Variants in COL23A1 observed in about 807,000 individuals in gnomAD.
COL23A1 encodes the protein collagen alpha-1(XXIII) chain.
Under a neutral mutation model 99.3 loss-of-function variants are expected in COL23A1, and 97 were observed. The observed-to-expected ratio is 0.98, with a 90% CI of 0.83 to 1.16. COL23A1 has a LOEUF of 1.16. Among genes scored for constraint, COL23A1 ranks in the 50% most tolerant of loss-of-function variants. The pLI is 0.00. For synonymous variants in COL23A1, 320 were observed against 308.2 expected (o/e 1.04, Z -0.40); for missense variants, 762 against 757.4 (o/e 1.01, Z -0.07).
In COL23A1 at chr5:178,322,685, CG is replaced by C. The variant is rs1759395463; in HGVS notation, c.362-15767del. On this transcript the variant is annotated intron_variant, in intron 2 of 28. Transcript: ENST00000390654. ...AAACTTCTCACACCTCACTTTCCTC[CG>C]TCTCAAAATGGGCATTTGTACCCAA... 3.3e-5 allele frequency among the ~76,000 whole-genome samples: 5 copies of C among 152,304 alleles called. No homozygotes were observed. The South Asian group carries it at 1.0e-3, about 32-fold the overall frequency.
At chr5:178,298,849 T>C (rs749872265) in intron 3 of COL23A1, among the ~76,000 whole-genome samples, 6 of 152,232 alleles carry the variant, frequency 3.9e-5, no homozygotes, top group Non-Finnish European at 8.8e-5. Context: ...AGTGAGCCAC[T>C]GTGCCTAGCC....
chr5:178,530,802 C>T (rs576486515), intron 2 of COL23A1, among the ~76,000 whole-genome samples: 2 of 152,344 alleles, frequency 1.3e-5, no homozygotes, highest in Non-Finnish European at 1.5e-5. Flanking sequence ...TCCCAGCTGA[C>T]ACTGAGTCAG....
At chr5:178,282,272 TTTTAAG>T (rs752520802) in intron 5 of COL23A1, among the ~76,000 whole-genome samples, 2 of 152,198 alleles carry the variant, frequency 1.3e-5, no homozygotes, top group African/African-American at 2.4e-5. Flanking sequence ...AGAAATGGAC[TTTTAAG>T]TTTAAGTTAG....
chr5:178,517,568 G>GTT (rs70997606), intron 2 of COL23A1, among the ~76,000 whole-genome samples: 2 of 108,250 alleles, frequency 1.8e-5, no homozygotes, highest in South Asian at 3.2e-4. Flanking sequence ...TTTTTTTTTT[G>GTT]TTTTTTTTTT....
At chr5:178,502,225 A>T (rs540183658) in intron 2 of COL23A1, among the ~76,000 whole-genome samples, 1 of 152,204 alleles carries the variant, frequency 6.6e-6, no homozygotes, top group African/African-American at 2.4e-5. Flanking sequence ...TCTGCCTCCC[A>T]GGTTCACGCC....
At chr5:178,513,681 C>T (rs533506953) in intron 2 of COL23A1, among the ~76,000 whole-genome samples, 4 of 152,126 alleles carry the variant, frequency 2.6e-5, no homozygotes, top group South Asian at 2.1e-4. Context: ...CTGCAAAAGT[C>T]GGTTCCTATG....
Position 178,589,987 on chromosome 5 carries a change from C to T in COL23A1, c.211G>A (p.Glu71Lys). ...LQGRVAALEE[E>K]RELLRRAGPP... is the part of the protein sequence containing the mutation. ...CCCGCGCGCCGCAGCAGCTCCCGCTCCTCCTCGAGCGCCGCCACCCGGCCC... is the reference window on the plus strand; with the variant it reads ...CCCGCGCGCCGCAGCAGCTCCCGCTTCTCCTCGAGCGCCGCCACCCGGCCC... The change falls in exon 1 of 29, where the codon GAG (glutamate) becomes AAG (lysine). Residue 71 changes from glutamate (E) to lysine (K), a missense_variant. By Grantham distance (56) the Glu-to-Lys change is moderately conservative (BLOSUM62 1). Transcript: ENST00000390654. The surrounding 1 kb of genome is among the most constrained non-coding windows in gnomAD (Gnocchi z 5.4). The T allele has an allele frequency of 1.5e-6, 2 of 1,343,340 alleles. No homozygotes were observed. The highest frequency in any genetic ancestry group is 1.9e-6 in the Non-Finnish European group (2 of 1,052,476). The allele number at this position is 1,343,340 out of a possible 1,614,324, so 83.2% of individuals were successfully genotyped here.
Position 178,340,194 on chromosome 5 carries a change from A to G in COL23A1, c.362-33275T>C, listed in dbSNP as rs1269860061. Among the ~76,000 whole-genome samples the G allele has an allele frequency of 6.6e-6, 1 of 152,180 alleles. No homozygotes were observed. Among genetic ancestry groups the G allele is most frequent in the African/African-American group, 2.4e-5 (1 of 41,448 alleles). ...CGTTCTCATGAGGAATGCACCTATG[A>G]AAGTTCCTAGGCAGGGAGCCTGCTG... On this transcript the variant is annotated intron_variant, in intron 2 of 28. Coordinates refer to ENST00000390654, the MANE Select transcript of COL23A1 (RefSeq NM_173465.4). The surrounding 1 kb of genome is among the most constrained non-coding windows in gnomAD (Gnocchi z 4.7).
chr5:178,354,837 G>A (rs2127684894), intron 2 of COL23A1, among the ~76,000 whole-genome samples: 1 of 152,218 alleles, frequency 6.6e-6, no homozygotes, highest in Admixed American at 6.5e-5. Context: ...CAGATGGATT[G>A]CCTGAGCTCA....
rs1252807913 is a variant in COL23A1 at position 178,340,332 on chromosome 5, C to T, written c.362-33413G>A. ...ATCCAAGAAGCATGTGTCAGAACAG[C>T]TTTGCTGGTGGCTCCAGCGCAGGAG... On this transcript the variant is annotated intron_variant, in intron 2 of 28. Coordinates refer to ENST00000390654, the MANE Select transcript of COL23A1 (RefSeq NM_173465.4). This position sits in a 1 kb window ranked among gnomAD's most constrained non-coding sequence, Gnocchi z 4.7. Among the ~76,000 whole-genome samples, 1 of 152,214 alleles carries T rather than the reference C, an allele frequency of 6.6e-6. No homozygotes were observed. The highest frequency in any genetic ancestry group is 1.9e-4 in the East Asian group (1 of 5,200).
At chr5:178,354,616 G>A (rs945402257) in intron 2 of COL23A1, among the ~76,000 whole-genome samples, 5 of 152,076 alleles carry the variant, frequency 3.3e-5, no homozygotes, top group Admixed American at 2.0e-4. Flanking sequence ...TTCACCCTTC[G>A]CTGTCTCTCT....
chr5:178,521,380 C>T (rs1759932569), intron 2 of COL23A1, among the ~76,000 whole-genome samples: 1 of 151,914 alleles, frequency 6.6e-6, no homozygotes, highest in South Asian at 2.1e-4. Flanking sequence ...GCTGAAACCC[C>T]GTCTCTTCTA....
intron 1 of COL23A1, among the ~76,000 whole-genome samples, chr5:178,572,123 C>G (rs959408688): frequency 1.4e-5 from 2 of 142,464 alleles, no homozygotes; most frequent in African/African-American, 5.3e-5. Context: ...ACTACCAGGT[C>G]TGAGATGAAA....
chr5:178,525,008 G>A (rs935060242), intron 2 of COL23A1, among the ~76,000 whole-genome samples: 1 of 152,234 alleles, frequency 6.6e-6, no homozygotes, highest in Admixed American at 6.5e-5. Flanking sequence ...GCAACAAGAG[G>A]TTAAATAACT....
chr5:178,469,491 C>T (rs886144716), intron 2 of COL23A1, among the ~76,000 whole-genome samples: 7 of 152,102 alleles, frequency 4.6e-5, no homozygotes, highest in Non-Finnish European at 8.8e-5. Flanking sequence ...TCCAATTCTG[C>T]AGGTGCATCA....
At chr5:178,459,073 C>T (rs1252078652) in intron 2 of COL23A1, among the ~76,000 whole-genome samples, 3 of 152,194 alleles carry the variant, frequency 2.0e-5, no homozygotes, top group South Asian at 2.1e-4. Flanking sequence ...AATCAGACTT[C>T]GCAGACTCAA....
chr5:178,409,519 T>A (rs1764956585), intron 2 of COL23A1, among the ~76,000 whole-genome samples: 1 of 152,032 alleles, frequency 6.6e-6, no homozygotes, highest in Non-Finnish European at 1.5e-5. Context: ...AATGGCACAC[T>A]GCAACAATGT....
chr5:178,489,855 G>A (rs1757834631), intron 2 of COL23A1, among the ~76,000 whole-genome samples: 1 of 152,190 alleles, frequency 6.6e-6, no homozygotes, highest in African/African-American at 2.4e-5. Flanking sequence ...TACCCAAGAG[G>A]TAGAAAGGAC....
chr5:178,573,140 G>C (rs1763188857), intron 1 of COL23A1, among the ~76,000 whole-genome samples: 1 of 152,208 alleles, frequency 6.6e-6, no homozygotes, highest in Non-Finnish European at 1.5e-5. Context: ...GGGTTTCATA[G>C]TTGTGCACAG....
Sources: gnomAD v4.1 joint callset for allele counts (sites outside exome capture counted in the v4.1 genomes callset) on GRCh38, gnomAD v4.1.1 for gene constraint, Gnocchi (gnomAD v3.1) non-coding constraint, MANE v1.5 for transcripts, NCBI Gene and HGNC (gene_info 2026-07-23, HGNC 2026-07-21) for gene names.